ABR: variants seen among roughly 807,000 people sequenced by gnomAD.
ABR encodes ABR activator of RhoGEF and GTPase.
Under a neutral mutation model 107.2 loss-of-function variants are expected in ABR, and 35 were observed. That is an observed-to-expected ratio of 0.33 (90% CI 0.25 to 0.43). ABR has a LOEUF of 0.43. Ranked by LOEUF, ABR falls within the 20% of genes least tolerant of loss-of-function variation. The pLI is 1.00. For synonymous variants in ABR, 498 were observed against 462.0 expected (o/e 1.08, Z -1.00); for missense variants, 815 against 1,115.2 (o/e 0.73, Z 3.83).
rs996676180 is a variant in ABR at position 1,210,537 on chromosome 17, G to A, written c.838+18256C>T. The stretch of plus-strand genomic sequence containing the variant: ...TCAGTTTCTCCATGCTATTGTCCGC[G>A]TATCACTCAGCTTGTCTGCACTATC... On this transcript the variant is annotated intron_variant, in intron 1 of 22. Transcript: ENST00000574139. This position sits in a 1 kb window ranked among gnomAD's most constrained non-coding sequence, Gnocchi z 5.6. Among the ~76,000 whole-genome samples the A allele has an allele frequency of 6.6e-6, 1 of 150,854 alleles. No homozygotes were observed. The highest frequency in any genetic ancestry group is 2.4e-5 in the African/African-American group (1 of 40,938).
intron 1 of ABR, among the ~76,000 whole-genome samples, chr17:1,174,601 C>A (rs969286535): frequency 6.6e-6 from 1 of 152,190 alleles, no homozygotes; most frequent in South Asian, 2.1e-4. Flanking sequence ...AGAATGAAAT[C>A]GCCCTTGGAA....
intron 1 of ABR, chr17:1,153,769 AGGCACACCTGCGGGAGGGCTGGGGG>A (rs1309710594): frequency 2.0e-5 from 4 of 196,850 alleles, no homozygotes; most frequent in Non-Finnish European, 4.1e-5. Context: ...CTGGGGGTCC[AGGCACACCTGCGGGAGGGCTGGGGG>A]TCCAGGCACA....
intron 10 of ABR, among the ~76,000 whole-genome samples, chr17:1,063,551 C>G (rs1444661814): frequency 7.1e-6 from 1 of 140,752 alleles, no homozygotes; most frequent in African/African-American, 2.6e-5. Context: ...GCATGTTCCT[C>G]TAGACACTGT....
intron 2 of ABR, among the ~76,000 whole-genome samples, chr17:1,123,864 G>A (rs891015501): frequency 6.6e-6 from 1 of 152,152 alleles, no homozygotes; most frequent in African/African-American, 2.4e-5. Flanking sequence ...AGGAGAACCA[G>A]GGCAAAAACC....
intron 1 of ABR, among the ~76,000 whole-genome samples, chr17:1,170,487 A>C (rs1192162179): frequency 6.6e-6 from 1 of 152,110 alleles, no homozygotes; most frequent in Non-Finnish European, 1.5e-5. Flanking sequence ...CCCAGGCTGG[A>C]GTGCAACAGC....
At chr17:1,046,264 A>G (rs1306636353) in intron 16 of ABR, among the ~76,000 whole-genome samples, 2 of 132,988 alleles carry the variant, frequency 1.5e-5, no homozygotes, top group Non-Finnish European at 3.5e-5. Flanking sequence ...TCGGCCTCCC[A>G]AAGTGCTGGG....
intron 1 of ABR, among the ~76,000 whole-genome samples, chr17:1,131,137 CTT>C (rs1488745528): frequency 9.0e-5 from 10 of 111,152 alleles, no homozygotes; most frequent in African/African-American, 2.4e-4. Flanking sequence ...GCTCCCCCCT[CTT>C]TGCACACCAA....
intron 6 of ABR, 107 bp downstream of exon 6, chr17:1,079,223 T>TCACACACACG: frequency 6.6e-7 from 1 of 1,517,110 alleles, no homozygotes; most frequent in Non-Finnish European, 8.9e-7. Flanking sequence ...TCACACGCGC[T>TCACACACACG]CACACACACG....
chr17:1,087,579 A>C (rs1225280525), intron 4 of ABR, among the ~76,000 whole-genome samples: 3 of 138,296 alleles, frequency 2.2e-5, no homozygotes, highest in Non-Finnish European at 3.1e-5. Flanking sequence ...GTGGGGCCTG[A>C]CCTTAAAAGG....
intron 16 of ABR, among the ~76,000 whole-genome samples, chr17:1,023,249 C>T (rs945339164): frequency 2.0e-5 from 3 of 152,260 alleles, no homozygotes; most frequent in Non-Finnish European, 4.4e-5. Context: ...CTTTTAGCCC[C>T]CGGGCTGGGC....
rs2036492753 is a variant in ABR, at chr17:1,084,938, C to T, written c.532-1311G>A. 6.6e-6 allele frequency among the ~76,000 whole-genome samples: 1 copy of T among 151,474 alleles called. No homozygotes were observed. On this transcript the variant is annotated intron_variant, in intron 4 of 22. Coordinates refer to ENST00000302538, the MANE Select transcript of ABR (RefSeq NM_021962.5). This position sits in a 1 kb window ranked among gnomAD's most constrained non-coding sequence, Gnocchi z 4.2. ...CTGCCTCAGCCTCCCGAGTAGCTGG[C>T]GTTACAGGCGCCCGCCACCACGCCT...
intron 16 of ABR, chr17:1,022,419 G>C (rs554174586): frequency 1.3e-5 from 2 of 153,112 alleles, no homozygotes; most frequent in African/African-American, 4.8e-5. Flanking sequence ...GACCACAGGC[G>C]TGAGAGGCAC....
chr17:1,135,744 C>T (rs569304011), intron 1 of ABR, among the ~76,000 whole-genome samples: 1 of 152,276 alleles, frequency 6.6e-6, no homozygotes, highest in South Asian at 2.1e-4. Context: ...GGCTTGGTGG[C>T]AGGTGCCTGT....
chr17:1,197,800 G>A (rs2042597419), intron 1 of ABR, among the ~76,000 whole-genome samples: 1 of 151,556 alleles, frequency 6.6e-6, no homozygotes, highest in African/African-American at 2.4e-5. Context: ...GAAGATCAGC[G>A]CTCACCCAAA....
At chr17:1,193,798 C>T (rs1269704592) in intron 1 of ABR, among the ~76,000 whole-genome samples, 1 of 152,146 alleles carries the variant, frequency 6.6e-6, no homozygotes, top group African/African-American at 2.4e-5. Context: ...TGAAGCGATT[C>T]ACCTGCCTCA....
intron 1 of ABR, among the ~76,000 whole-genome samples, chr17:1,161,795 T>C (rs2041305998): frequency 6.6e-6 from 1 of 152,072 alleles, no homozygotes; most frequent in Non-Finnish European, 1.5e-5. Context: ...CCTCAGGTGA[T>C]CCACCCGCCT....
intron 1 of ABR, among the ~76,000 whole-genome samples, chr17:1,139,396 T>A (rs992765196): frequency 1.3e-5 from 2 of 152,040 alleles, no homozygotes; most frequent in African/African-American, 2.4e-5. Context: ...GGACTACAGG[T>A]GCCTGCCATC....
At chr17:1,064,419 T>A in intron 10 of ABR, among the ~76,000 whole-genome samples, 1 of 117,452 alleles carries the variant, frequency 8.5e-6, no homozygotes, top group South Asian at 3.2e-4. Flanking sequence ...TGTTGTTATG[T>A]GAACTGAGGG....
chr17:1,023,712 T>C (rs1394071763), intron 16 of ABR, among the ~76,000 whole-genome samples: 1 of 152,168 alleles, frequency 6.6e-6, no homozygotes, highest in Non-Finnish European at 1.5e-5. Context: ...AGCCTCGAGC[T>C]GGACCTGGAG....
Sources: gnomAD v4.1 joint callset for allele counts (sites outside exome capture counted in the v4.1 genomes callset) on GRCh38, gnomAD v4.1.1 for gene constraint, Gnocchi (gnomAD v3.1) non-coding constraint, MANE v1.5 for transcripts, NCBI Gene and HGNC (gene_info 2026-07-23, HGNC 2026-07-21) for gene names.